The following PPA2 variants were observed in gnomAD, a reference collection of about 807,000 sequenced individuals.
PPA2 encodes the protein inorganic pyrophosphatase 2, mitochondrial.
PPA2 carries 48 observed loss-of-function variants against 49.5 expected under a neutral mutation model. That is an observed-to-expected ratio of 0.97 (90% CI 0.77 to 1.23). PPA2 has a LOEUF of 1.23. Among genes scored for constraint, PPA2 ranks in the 50% most tolerant of loss-of-function variants. The pLI is 0.00. For missense variants in PPA2, 429 were observed against 410.1 expected (o/e 1.05, Z -0.40); for synonymous variants, 131 against 139.9 (o/e 0.94, Z 0.45).
intron 3 of PPA2, among the ~76,000 whole-genome samples, chr4:105,453,242 G>A (rs1722740968): frequency 6.6e-6 from 1 of 152,160 alleles, no homozygotes; most frequent in Admixed American, 6.5e-5. Flanking sequence ...CAGGGCCTCG[G>A]GGGAGGGAGG....
intron 10 of PPA2, among the ~76,000 whole-genome samples, chr4:105,372,551 G>C (rs1217743342): frequency 6.6e-6 from 1 of 152,152 alleles, no homozygotes; most frequent in Non-Finnish European, 1.5e-5. Context: ...CCATAATGTT[G>C]GTAGGCCCCA....
intron 7 of PPA2, among the ~76,000 whole-genome samples, chr4:105,414,449 A>C (rs1038248271): frequency 2.0e-5 from 3 of 152,220 alleles, no homozygotes; most frequent in East Asian, 3.9e-4. Context: ...GATCCCACGC[A>C]TGCCAAGGGC....
At chr4:105,450,153 G>C (rs1264090387) in intron 3 of PPA2, among the ~76,000 whole-genome samples, 2 of 151,976 alleles carry the variant, frequency 1.3e-5, no homozygotes, top group Non-Finnish European at 2.9e-5. Flanking sequence ...AAAGTCTTAA[G>C]GTTAAAGTTG....
At chr4:105,442,976 C>A (rs1030627323) in intron 5 of PPA2, among the ~76,000 whole-genome samples, 3 of 152,142 alleles carry the variant, frequency 2.0e-5, no homozygotes, top group Non-Finnish European at 4.4e-5. Flanking sequence ...TACTCCATGG[C>A]AGGCATTAAG....
chr4:105,431,790 A>G (rs964376333), intron 6 of PPA2, among the ~76,000 whole-genome samples: 8 of 152,362 alleles, frequency 5.3e-5, no homozygotes, highest in African/African-American at 1.9e-4. Context: ...AACATGGATG[A>G]ATCTCAAAAG....
chr4:105,406,762 T>G (rs1296459419), intron 7 of PPA2, among the ~76,000 whole-genome samples: 2 of 152,116 alleles, frequency 1.3e-5, no homozygotes, highest in Non-Finnish European at 2.9e-5. Context: ...CCACATTTGG[T>G]TGAAAGAAAT....
chr4:105,473,878 T>TCC lies in PPA2; in HGVS notation c.157+14_157+15dup. On this transcript the variant is annotated intron_variant, in intron 1 of 11. Coordinates refer to ENST00000341695, the MANE Select transcript of PPA2 (RefSeq NM_176869.3). ...TCTCCGGTGCGCCGCTCGGCGAACC[T>TCC]CCGGGAGCTACTTACTAAAGAAGAG... 3 of 1,584,800 alleles carry TCC rather than the reference T, an allele frequency of 1.9e-6. No homozygotes were observed. Among genetic ancestry groups the TCC allele is most frequent in the Non-Finnish European group, 2.6e-6 (3 of 1,163,042 alleles).
intron 6 of PPA2, among the ~76,000 whole-genome samples, chr4:105,436,366 A>G (rs1724057358): frequency 1.3e-5 from 2 of 152,192 alleles, no homozygotes; most frequent in South Asian, 4.1e-4. Context: ...TGGAAGAATC[A>G]ATATTGTTAA....
intron 1 of PPA2, among the ~76,000 whole-genome samples, chr4:105,468,583 G>A (rs1345647901): frequency 6.6e-6 from 1 of 152,146 alleles, no homozygotes; most frequent in Non-Finnish European, 1.5e-5. Context: ...TAAGTTAGGT[G>A]ATCCTTGACT....
intron 9 of PPA2, among the ~76,000 whole-genome samples, chr4:105,395,963 T>C (rs1240074135): frequency 6.6e-6 from 1 of 152,176 alleles, no homozygotes; most frequent in Admixed American, 6.5e-5. Context: ...AGAAACCGCA[T>C]AGATTTACAT....
intron 10 of PPA2, among the ~76,000 whole-genome samples, chr4:105,382,190 T>C (rs1377037119): frequency 1.3e-5 from 2 of 152,078 alleles, no homozygotes; most frequent in Admixed American, 6.5e-5. Context: ...TTCAAACACA[T>C]GAACTTGTGC....
At chr4:105,372,257 G>A (rs1277250134) in intron 10 of PPA2, among the ~76,000 whole-genome samples, 3 of 152,172 alleles carry the variant, frequency 2.0e-5, no homozygotes, top group African/African-American at 4.8e-5. Context: ...ATGCCTCCTG[G>A]TGAATCTATA....
intron 6 of PPA2, among the ~76,000 whole-genome samples, chr4:105,432,616 T>C (rs1329107998): frequency 6.6e-6 from 1 of 152,228 alleles, no homozygotes; most frequent in Non-Finnish European, 1.5e-5. Flanking sequence ...TAGGGCAAGC[T>C]TGTCCAACCC....
intron 5 of PPA2, among the ~76,000 whole-genome samples, chr4:105,443,298 AGTGTGCTTT>A (rs1413149429): frequency 6.6e-6 from 1 of 152,110 alleles, no homozygotes; most frequent in Non-Finnish European, 1.5e-5. Flanking sequence ...TTGAGACATC[AGTGTGCTTT>A]GAGCACCAGA....
At chr4:105,450,107 GT>G (rs1490699371) in intron 3 of PPA2, among the ~76,000 whole-genome samples, 1 of 151,900 alleles carries the variant, frequency 6.6e-6, no homozygotes, top group African/African-American at 2.4e-5. Flanking sequence ...TCAATGATGA[GT>G]AAAAATAATT....
intron 6 of PPA2, among the ~76,000 whole-genome samples, chr4:105,425,723 T>TACACATACACACACACAC (rs993307304): frequency 8.2e-6 from 1 of 122,450 alleles, no homozygotes; most frequent in African/African-American, 3.1e-5. Flanking sequence ...CACATGCACA[T>TACACATACACACACACAC]ACACACACAC....
chr4:105,428,612 T>G lies in PPA2; in HGVS notation c.529-4290A>C, dbSNP rs186616597. ...TCATGTTCTCCCTCATAAGTGGGAG[T>G]TGAACAGTGAGAACACATGGACACA... On this transcript the variant is annotated intron_variant, in intron 6 of 11. Coordinates refer to ENST00000341695, the MANE Select transcript of PPA2 (RefSeq NM_176869.3). 5.6e-3 allele frequency among the ~76,000 whole-genome samples: 824 copies of G among 148,084 alleles called. 7 individuals are homozygous for G. The highest frequency in any genetic ancestry group is 0.019 in the African/African-American group (773 of 40,128).
chr4:105,412,221 C>G (rs1036614856), intron 7 of PPA2, among the ~76,000 whole-genome samples: 2 of 152,198 alleles, frequency 1.3e-5, no homozygotes, highest in African/African-American at 4.8e-5. Flanking sequence ...ACCAAAACAG[C>G]ATGGTACTGG....
At chr4:105,462,100 T>C (rs1300589147) in intron 1 of PPA2, among the ~76,000 whole-genome samples, 2 of 152,238 alleles carry the variant, frequency 1.3e-5, no homozygotes, top group African/African-American at 2.4e-5. Context: ...TGAGATAATC[T>C]ATATGGTACA....
Sources: allele counts gnomAD v4.1 joint callset (sites outside exome capture counted in the v4.1 genomes callset), GRCh38; gene constraint gnomAD v4.1.1; transcripts MANE v1.5; gene names NCBI Gene and HGNC (gene_info 2026-07-23, HGNC 2026-07-21).